The following PRKCE variants were observed in gnomAD, a reference collection of about 807,000 sequenced individuals.
PRKCE encodes the protein protein kinase C epsilon type.
PRKCE carries 16 observed loss-of-function variants against 85.4 expected under a neutral mutation model. The observed-to-expected ratio is 0.19, with a 90% confidence interval of 0.13 to 0.28. The LOEUF is 0.28. Ranked by LOEUF, PRKCE falls within the 10% of genes least tolerant of loss-of-function variation. The probability of loss-of-function intolerance (pLI) is 1.00; values close to 1 mark genes in which losing one functional copy is unlikely to be tolerated. For synonymous variants in PRKCE, 388 were observed against 371.5 expected (o/e 1.04, Z -0.51); for missense variants, 573 against 975.2 (o/e 0.59, Z 5.49).
intron 1 of PRKCE, among the ~76,000 whole-genome samples, chr2:45,780,709 C>T (rs1362491218): frequency 1.3e-5 from 2 of 152,208 alleles, no homozygotes; most frequent in East Asian, 3.9e-4. Flanking sequence ...GGTGGCCCAC[C>T]CAATCCCACC....
intron 11 of PRKCE, among the ~76,000 whole-genome samples, chr2:46,112,262 C>A (rs1211648064): frequency 6.6e-6 from 1 of 152,152 alleles, no homozygotes; most frequent in Non-Finnish European, 1.5e-5. Context: ...TATCCCTTTA[C>A]TTTGAACCTG....
intron 2 of PRKCE, among the ~76,000 whole-genome samples, chr2:45,856,171 T>C (rs941627937): frequency 2.6e-5 from 4 of 152,292 alleles, no homozygotes; most frequent in East Asian, 3.8e-4. Context: ...GTACATAGTA[T>C]AGTGATCAAC....
chr2:46,148,490 C>T (rs1032117731), intron 12 of PRKCE, among the ~76,000 whole-genome samples: 34 of 152,344 alleles, frequency 2.2e-4, no homozygotes, highest in African/African-American at 7.7e-4. Context: ...CTCCCCACCC[C>T]CTGAAGGCAC....
intron 10 of PRKCE, among the ~76,000 whole-genome samples, chr2:46,081,479 A>C (rs1207642908): frequency 6.6e-6 from 1 of 152,202 alleles, no homozygotes; most frequent in Non-Finnish European, 1.5e-5. Context: ...GGAGGGGAGA[A>C]AGTTATAAAT....
chr2:46,036,544 C>T (rs994681110), intron 10 of PRKCE, among the ~76,000 whole-genome samples: 3 of 152,084 alleles, frequency 2.0e-5, no homozygotes, highest in Non-Finnish European at 2.9e-5. Context: ...GAGCCATGAT[C>T]GCGCCACTGC....
At chr2:45,716,904 G>A (rs1054159560) in intron 1 of PRKCE, among the ~76,000 whole-genome samples, 28 of 152,324 alleles carry the variant, frequency 1.8e-4, no homozygotes, top group African/African-American at 5.8e-4. Flanking sequence ...AGAGCAGAGC[G>A]AAGGGAGAAG....
chr2:45,909,722 G>A (rs1697240141), intron 2 of PRKCE, among the ~76,000 whole-genome samples: 1 of 152,190 alleles, frequency 6.6e-6, no homozygotes, highest in Admixed American at 6.5e-5. Flanking sequence ...ATTTAGAAAA[G>A]CCTTCCAGGC....
At chr2:46,119,322 C>A (rs1450471415) in intron 11 of PRKCE, among the ~76,000 whole-genome samples, 1 of 150,328 alleles carries the variant, frequency 6.7e-6, no homozygotes, top group South Asian at 2.1e-4. Flanking sequence ...TTTTCCCTTT[C>A]CTAAACTTTG....
intron 10 of PRKCE, among the ~76,000 whole-genome samples, chr2:46,081,450 A>G (rs556408292): frequency 6.6e-6 from 1 of 152,262 alleles, no homozygotes; most frequent in Admixed American, 6.5e-5. Flanking sequence ...GCCCTCATGA[A>G]GCACACAGAC....
chr2:45,814,572 T>C (rs1573461799), intron 1 of PRKCE, among the ~76,000 whole-genome samples: 2 of 152,118 alleles, frequency 1.3e-5, no homozygotes, highest in Admixed American at 6.5e-5. Flanking sequence ...TATGTACTTG[T>C]ACATGGAAAA....
intron 1 of PRKCE, among the ~76,000 whole-genome samples, chr2:45,795,395 G>T (rs1252368966): frequency 6.6e-6 from 1 of 152,142 alleles, no homozygotes; most frequent in South Asian, 2.1e-4. Flanking sequence ...TGCAACCTCC[G>T]CCTCCCGGGT....
intron 13 of PRKCE, among the ~76,000 whole-genome samples, chr2:46,153,376 C>A (rs1156680178): frequency 6.6e-6 from 1 of 152,122 alleles, no homozygotes; most frequent in East Asian, 1.9e-4. Flanking sequence ...GTGATACAAA[C>A]AACACAGTCC....
intron 2 of PRKCE, among the ~76,000 whole-genome samples, chr2:45,962,055 C>T (rs1309896411): frequency 6.6e-6 from 1 of 152,168 alleles, no homozygotes; most frequent in Non-Finnish European, 1.5e-5. Context: ...CTACCTGTTC[C>T]CAGGTACTGC....
At chr2:45,886,679 G>T (rs943376190) in intron 2 of PRKCE, among the ~76,000 whole-genome samples, 1 of 152,158 alleles carries the variant, frequency 6.6e-6, no homozygotes, top group Non-Finnish European at 1.5e-5. Context: ...CCTTTCTAAT[G>T]CTTGGCTATA....
intron 1 of PRKCE, among the ~76,000 whole-genome samples, chr2:45,734,460 C>T (rs1320453467): frequency 6.6e-6 from 1 of 152,070 alleles, no homozygotes; most frequent in African/African-American, 2.4e-5. Context: ...AGACAGTATA[C>T]TCATCCATGT....
Position 45,842,422 on chromosome 2 carries a change from G to A in PRKCE, c.349-578G>A, listed in dbSNP as rs73928833. On this transcript the variant is annotated intron_variant, in intron 1 of 14. Transcript: ENST00000306156. ...CAATGAGATGATAAACGCCATAAAA[G>A]CAGGAGTAGTGTCTTCCTGCTTCTC... is the stretch of plus-strand genomic sequence containing the variant. Among the ~76,000 whole-genome samples, 18 of 152,240 alleles carry A rather than the reference G, an allele frequency of 1.2e-4. 1 individual carries two copies. The highest frequency in any genetic ancestry group is 4.1e-4 in the African/African-American group (17 of 41,532).
Position 46,138,266 on chromosome 2 carries a change from C to T in PRKCE, c.1593-6827C>T, listed in dbSNP as rs773363648. ...TCTCCTCACCACAAAGATTTCTTTT[C>T]CCAGCCCAGAGGAATTTTAGTCCAA... On this transcript the variant is annotated intron_variant, in intron 11 of 14. Coordinates refer to ENST00000306156, the MANE Select transcript of PRKCE (RefSeq NM_005400.3). This position sits in a 1 kb window ranked among gnomAD's most constrained non-coding sequence, Gnocchi z 4.2. Among the ~76,000 whole-genome samples the T allele has an allele frequency of 6.6e-6, 1 of 152,152 alleles. No individual in the cohort carries two copies. Among genetic ancestry groups the T allele is most frequent in the Non-Finnish European group, 1.5e-5 (1 of 68,030 alleles).
chr2:45,837,370 C>A (rs1690967907), intron 1 of PRKCE, among the ~76,000 whole-genome samples: 1 of 152,216 alleles, frequency 6.6e-6, no homozygotes, highest in South Asian at 2.1e-4. Context: ...GATTCTCCTG[C>A]CTCAGTCTCC....
At chr2:46,164,952 G>C (rs1678187746) in intron 14 of PRKCE, 2 of 152,272 alleles carry the variant, frequency 1.3e-5, no homozygotes, top group African/African-American at 4.8e-5. Flanking sequence ...CAGATTCATA[G>C]CTGGAATTTG....
Sources: gnomAD v4.1 joint callset for allele counts (sites outside exome capture counted in the v4.1 genomes callset) on GRCh38, gnomAD v4.1.1 for gene constraint, Gnocchi (gnomAD v3.1) non-coding constraint, MANE v1.5 for transcripts, NCBI Gene and HGNC (gene_info 2026-07-23, HGNC 2026-07-21) for gene names.